The following SLC7A14 variants were observed in gnomAD, a reference collection of about 807,000 sequenced individuals.
SLC7A14 encodes the protein solute carrier family 7 member 14.
Under a neutral mutation model 60.2 loss-of-function variants are expected in SLC7A14, and 37 were observed. The ratio of observed to expected loss-of-function variants is 0.61; its 90% CI spans 0.47 to 0.81. The LOEUF is 0.81. SLC7A14 is among the 30% of genes least tolerant of loss of function. The probability of loss-of-function intolerance (pLI) is 0.00; values close to 1 mark genes in which losing one functional copy is unlikely to be tolerated. For synonymous variants in SLC7A14, 399 were observed against 395.8 expected (o/e 1.01, Z -0.10); for missense variants, 886 against 982.7 (o/e 0.90, Z 1.32).
intron 3 of SLC7A14, among the ~76,000 whole-genome samples, chr3:170,499,647 G>A (rs977710673): frequency 9.9e-5 from 14 of 140,750 alleles, no homozygotes; most frequent in African/African-American, 3.7e-4. Context: ...GAAAATGATG[G>A]TAAGAGGGGT....
chr3:170,487,419 G>A (rs562931850), intron 4 of SLC7A14, among the ~76,000 whole-genome samples: 255 of 151,840 alleles, frequency 1.7e-3, no homozygotes, highest in Admixed American at 2.9e-3. Context: ...TGTGTATGGG[G>A]TGAGGGAAAA....
chr3:170,520,084 A>T (rs1289866075), intron 2 of SLC7A14, among the ~76,000 whole-genome samples: 5 of 152,240 alleles, frequency 3.3e-5, no homozygotes, highest in Non-Finnish European at 7.3e-5. Context: ...AATGTAATAT[A>T]ATCTGTTAAT....
intron 1 of SLC7A14, among the ~76,000 whole-genome samples, chr3:170,564,457 G>C (rs1410906247): frequency 2.0e-5 from 3 of 152,222 alleles, no homozygotes; most frequent in Admixed American, 2.0e-4. Context: ...GATGTGCCCA[G>C]GGTCATGCTG....
Position 170,526,755 on chromosome 3 carries a change from A to G in SLC7A14, c.182T>C (p.Leu61Pro), listed in dbSNP as rs1428475318. Residue 61 changes from leucine (L) to proline (P), a missense_variant, in exon 2 of 8, where the codon CTT becomes CCT. By Grantham distance (98) the Leu-to-Pro change is moderately conservative. Coordinates refer to ENST00000231706, the MANE Select transcript of SLC7A14 (RefSeq NM_020949.3). ...QVLTTVDLIS[L>P]GVGSCVGTGM... ...AGTGCCCACACAGCTGCCAACGCCA[A>G]GAGAGATGAGGTCCACTGTGGTGAG... 6.2e-7 allele frequency: 1 copy of G among 1,614,250 alleles called. No homozygotes were observed. Among genetic ancestry groups the G allele is most frequent in the Admixed American group, 1.7e-5 (1 of 60,036 alleles).
chr3:170,560,054 C>A (rs1312469445), intron 1 of SLC7A14, among the ~76,000 whole-genome samples: 1 of 152,252 alleles, frequency 6.6e-6, no homozygotes, highest in Non-Finnish European at 1.5e-5. Context: ...TAATCCCAAT[C>A]AAATTCCCTT....
intron 2 of SLC7A14, among the ~76,000 whole-genome samples, chr3:170,520,746 G>C (rs1713317261): frequency 6.6e-6 from 1 of 152,144 alleles, no homozygotes; most frequent in African/African-American, 2.4e-5. Context: ...CCTATATTCT[G>C]TTTGAGGAAC....
At position 170,535,529 on chromosome 3, in the gene SLC7A14, C is replaced by T. The variant is rs1253431695; in HGVS notation, c.-152-8441G>A. 6.6e-6 allele frequency among the ~76,000 whole-genome samples: 1 copy of T among 152,144 alleles called. No individual in the cohort carries two copies. Among genetic ancestry groups the T allele is most frequent in the Non-Finnish European group, 1.5e-5 (1 of 68,038 alleles). On this transcript the variant is annotated intron_variant, in intron 1 of 7. Transcript: ENST00000231706. The surrounding 1 kb of genome is among the most constrained non-coding windows in gnomAD (Gnocchi z 4.3). ...GGCAGCTTCAGGGAGTGCGAGTGTC[C>T]TTTGCTTGTCCTTCCAGATCCACCC...
intron 2 of SLC7A14, 72 bp from the exon 3 acceptor site, chr3:170,501,417 G>T: frequency 1.6e-6 from 2 of 1,283,352 alleles, no homozygotes; most frequent in Non-Finnish European, 2.3e-6. Flanking sequence ...AACAATCTTG[G>T]GTGGAACATA....
At chr3:170,503,814 T>C (rs1013753680) in intron 2 of SLC7A14, among the ~76,000 whole-genome samples, 4 of 152,140 alleles carry the variant, frequency 2.6e-5, no homozygotes, top group African/African-American at 9.7e-5. Context: ...TTGCCAAGGG[T>C]AATTAGCAAA....
At chr3:170,549,627 C>T (rs994335107) in intron 1 of SLC7A14, among the ~76,000 whole-genome samples, 6 of 152,130 alleles carry the variant, frequency 3.9e-5, no homozygotes, top group African/African-American at 9.7e-5. Flanking sequence ...CACTTATGAC[C>T]GCAGAAATTA....
intron 7 of SLC7A14, among the ~76,000 whole-genome samples, chr3:170,476,266 T>C (rs556835548): frequency 6.6e-6 from 1 of 152,316 alleles, no homozygotes; most frequent in Non-Finnish European, 1.5e-5. Context: ...TTGAGAATCT[T>C]TGTTCTGGGT....
chr3:170,470,828 G>A (rs150001510), intron 7 of SLC7A14, among the ~76,000 whole-genome samples: 8 of 152,238 alleles, frequency 5.3e-5, no homozygotes, highest in Admixed American at 2.0e-4. Flanking sequence ...GCTGCTCCAC[G>A]CCTCCTGTGT....
chr3:170,495,008 C>T (rs1577511586), intron 4 of SLC7A14, among the ~76,000 whole-genome samples: 1 of 152,172 alleles, frequency 6.6e-6, no homozygotes, highest in East Asian at 1.9e-4. Context: ...GAGGATTCTC[C>T]ACTTTTAAGT....
In SLC7A14 at chr3:170,459,970, G is replaced by A. The variant is rs796601678; in HGVS notation, c.*7085C>T. On this transcript the variant is annotated 3_prime_UTR_variant, in exon 8 of 8. Transcript: ENST00000231706. ...TTGTTAAATTTAGAATTTTCCCTTA[G>A]TATCTTGATAAATCAATATATTGTC... 11 of 152,178 alleles carry A rather than the reference G, an allele frequency of 7.2e-5. No homozygotes were observed. Among genetic ancestry groups the A allele is most frequent in the African/African-American group, 2.6e-4 (11 of 41,532 alleles). 9.4% of individuals were successfully genotyped at this position (152,178 alleles called of 1,614,324 possible).
chr3:170,492,665 C>T (rs541338117), intron 4 of SLC7A14, among the ~76,000 whole-genome samples: 52 of 152,260 alleles, frequency 3.4e-4, no homozygotes, highest in Non-Finnish European at 5.7e-4. Flanking sequence ...AGGGCTTCTG[C>T]TTAGTTAATT....
At chr3:170,550,832 G>T (rs1714328084) in intron 1 of SLC7A14, among the ~76,000 whole-genome samples, 2 of 151,908 alleles carry the variant, frequency 1.3e-5, no homozygotes, top group Non-Finnish European at 2.9e-5. Context: ...ATCTTTCCTT[G>T]ATTTGTATAT....
intron 2 of SLC7A14, among the ~76,000 whole-genome samples, chr3:170,521,240 A>G (rs2108291057): frequency 1.3e-5 from 2 of 152,328 alleles, no homozygotes; most frequent in Admixed American, 1.3e-4. Context: ...CCAGCTTGAC[A>G]AATTGTAAAG....
chr3:170,538,033 T>C (rs963473314), intron 1 of SLC7A14, among the ~76,000 whole-genome samples: 1 of 152,194 alleles, frequency 6.6e-6, no homozygotes, highest in Admixed American at 6.5e-5. Context: ...CAATAGGAAT[T>C]TCCTCATCCT....
At chr3:170,493,726 C>A (rs950837215) in intron 4 of SLC7A14, among the ~76,000 whole-genome samples, 14 of 152,162 alleles carry the variant, frequency 9.2e-5, no homozygotes, top group African/African-American at 3.4e-4. Flanking sequence ...AATGACTTTG[C>A]TGGACTTTGG....
Sources: gnomAD v4.1 joint callset for allele counts (sites outside exome capture counted in the v4.1 genomes callset) on GRCh38, gnomAD v4.1.1 for gene constraint, Gnocchi (gnomAD v3.1) non-coding constraint, MANE v1.5 for transcripts, NCBI Gene and HGNC (gene_info 2026-07-23, HGNC 2026-07-21) for gene names.